INTS3: variants seen among roughly 807,000 people sequenced by gnomAD.
INTS3 encodes the protein SOSS complex subunit A.
A neutral mutation model predicts 146.3 loss-of-function variants in INTS3; 34 were observed. The ratio of observed to expected loss-of-function variants is 0.23; its 90% CI spans 0.18 to 0.31. The LOEUF is 0.31. Among genes scored for constraint, INTS3 ranks in the 10% least tolerant of loss-of-function variants. The pLI, the probability that INTS3 is intolerant of heterozygous loss-of-function variation, is 1.00. For synonymous variants in INTS3, 475 were observed against 494.9 expected, an observed-to-expected ratio of 0.96 and a Z score of 0.53; for missense variants, 757 against 1,304.2, an observed-to-expected ratio of 0.58 and a Z score of 6.46.
intron 22 of INTS3, 44 bp from the exon 23 acceptor site, chr1:153,769,725 C>G (rs1190206642): frequency 1.4e-6 from 2 of 1,384,460 alleles, no homozygotes; most frequent in Non-Finnish European, 2.1e-6. Context: ...TTCCTGGCCC[C>G]TTTCAGAGCT....
intron 3 of INTS3, among the ~76,000 whole-genome samples, chr1:153,746,661 A>G (rs1306855120): frequency 6.6e-6 from 1 of 151,030 alleles, no homozygotes; most frequent in Non-Finnish European, 1.5e-5. Flanking sequence ...TTGGCCTCCC[A>G]AAGTGCTGGG....
intron 1 of INTS3, among the ~76,000 whole-genome samples, chr1:153,735,141 A>AT (rs1035239273): frequency 2.0e-5 from 3 of 151,586 alleles, no homozygotes; most frequent in African/African-American, 4.8e-5. Flanking sequence ...AATTTTTAAC[A>AT]TTTTTTTTGT....
chr1:153,770,841 G>A (rs4345834), intron 25 of INTS3, 108 bp downstream of exon 25: 366,355 of 849,526 alleles, frequency 0.43, 80,353 homozygotes, highest in Middle Eastern at 0.55. Flanking sequence ...TTTTCCTGTC[G>A]TTAACATCTG....
At chr1:153,762,304 G>A (rs1047777930) in intron 14 of INTS3, among the ~76,000 whole-genome samples, 1 of 152,150 alleles carries the variant, frequency 6.6e-6, no homozygotes, top group African/African-American at 2.4e-5. Flanking sequence ...AAAAAAATTT[G>A]TATTTGGCGG....
At chr1:153,752,509 T>C (rs911426684) in intron 8 of INTS3, 101 bp downstream of exon 8, 1 of 1,259,498 alleles carries the variant, frequency 7.9e-7, no homozygotes, top group Non-Finnish European at 1.1e-6. Flanking sequence ...GGAGAGTCTT[T>C]GGTGGTCAGA....
Position 153,774,733 on chromosome 1 carries a change from C to T in INTS3, c.*1463C>T. 1 of 220,416 alleles carries T rather than the reference C, an allele frequency of 4.5e-6. No homozygotes were observed. The highest frequency in any genetic ancestry group is 9.1e-6 in the Non-Finnish European group (1 of 110,372). 13.7% of individuals were successfully genotyped at this position (220,416 alleles called of 1,614,324 possible). A position where few individuals can be genotyped will look rare whatever the true frequency, so the allele number is the denominator to read the frequency against. On this transcript the variant is annotated 3_prime_UTR_variant, in exon 30 of 30. Coordinates refer to ENST00000318967, the MANE Select transcript of INTS3 (RefSeq NM_023015.5). The stretch of plus-strand genomic sequence containing the variant: ...CTGTTGCTTCCTTTGAAAGTCTAAA[C>T]CACTGGAGGCTTCTTTTTCCTTCCT...
chr1:153,737,342 G>A (rs1671334806), intron 1 of INTS3, among the ~76,000 whole-genome samples: 1 of 152,212 alleles, frequency 6.6e-6, no homozygotes, highest in Admixed American at 6.5e-5. Context: ...CTTACGAGTC[G>A]CATTTTGTCA....
intron 3 of INTS3, among the ~76,000 whole-genome samples, chr1:153,744,038 C>CGT (rs200825280): frequency 0.026 from 3,696 of 142,290 alleles, 85 homozygotes; most frequent in African/African-American, 0.062. Context: ...TGTGCATGTG[C>CGT]GTGTGTGTGT....
chr1:153,760,187 G>T (rs1293497531), intron 11 of INTS3, 124 bp from the exon 12 acceptor site: 3 of 653,990 alleles, frequency 4.6e-6, no homozygotes, highest in East Asian at 5.7e-5. Context: ...AGCTGAGATC[G>T]TACCATTTGC....
In INTS3 at chr1:153,764,236, C is replaced by T. The variant is rs749868502; in HGVS notation, c.1925+15C>T. The T allele has an allele frequency of 2.6e-6, 4 of 1,565,982 alleles. No homozygotes were observed. The Admixed American group carries it at 5.0e-5, about 20-fold the overall frequency. On this transcript the variant is annotated intron_variant, in intron 18 of 29. Coordinates refer to ENST00000318967, the MANE Select transcript of INTS3 (RefSeq NM_023015.5). ...ATTACTGAGGAGTAAGGCTGATTTT[C>T]CCTCACTCCAGAGCCTCAGGAGCCA...
In INTS3 at chr1:153,773,030, T is replaced by C; in HGVS notation, c.3000T>C (p.Asn1000=). The C allele has an allele frequency of 6.2e-7, 1 of 1,614,108 alleles. No individual in the cohort carries two copies. Among genetic ancestry groups the C allele is most frequent in the Non-Finnish European group, 8.5e-7 (1 of 1,180,020 alleles). ...TGTCCAGCCCTCGAAGTCGAAAGAA[T>C]GCCACACAGCCCCCCAATGCCGAAG... ...AALSSPRSRK[N]ATQPPNAEEE... The change falls in exon 29 of 30, where the codon AAT becomes AAC. Residue 1000 remains asparagine (N), a synonymous_variant. Transcript: ENST00000318967.
At chr1:153,767,850 G>C (rs531126329) in intron 21 of INTS3, 23 bp downstream of exon 21, 2 of 1,578,742 alleles carry the variant, frequency 1.3e-6, no homozygotes, top group Admixed American at 1.7e-5. Flanking sequence ...ATCCGTATCT[G>C]TGCCGGGGGG....
In INTS3 at chr1:153,772,406, T is replaced by C. The variant is rs2101834215; in HGVS notation, c.2787T>C (p.Asn929=). The C allele has an allele frequency of 6.2e-7, 1 of 1,614,100 alleles. No individual in the cohort carries two copies. The highest frequency in any genetic ancestry group is 1.1e-5 in the South Asian group (1 of 91,080). Reference sequence around the variant, plus strand: ...AGCAGATCCTGGAGCACTTGGACAATCTGCGGCTCAACCTGACCAACACCA... The same window carrying C: ...AGCAGATCCTGGAGCACTTGGACAACCTGCGGCTCAACCTGACCAACACCA... ...TLEQILEHLD[N]LRLNLTNTKQ... is the part of the protein sequence containing the mutation. Residue 929 remains asparagine, a synonymous_variant, in exon 27 of 30, where the codon AAT becomes AAC. Transcript: ENST00000318967. This position sits in a 1 kb window ranked among gnomAD's most constrained non-coding sequence, Gnocchi z 4.6.
At chr1:153,744,361 C>T (rs1004615213) in intron 3 of INTS3, among the ~76,000 whole-genome samples, 1 of 152,186 alleles carries the variant, frequency 6.6e-6, no homozygotes, top group Admixed American at 6.6e-5. Context: ...CTGTCTTTGG[C>T]CTGACACAGA....
At chr1:153,764,844 T>TA (rs1338983410) in intron 19 of INTS3, 100 bp from the exon 20 acceptor site, 6 of 1,550,844 alleles carry the variant, frequency 3.9e-6, no homozygotes, top group African/African-American at 1.4e-5. Flanking sequence ...GAGGAGGACA[T>TA]ATGCTGTGGG....
At chr1:153,771,546 G>A (rs889316549) in intron 25 of INTS3, among the ~76,000 whole-genome samples, 1 of 152,134 alleles carries the variant, frequency 6.6e-6, no homozygotes, top group Non-Finnish European at 1.5e-5. Context: ...GAGGAGAACT[G>A]AGGGTCCTCC....
Position 153,770,229 on chromosome 1 carries a change from G to C in INTS3, c.2421G>C (p.Gln807His). The stretch of plus-strand genomic sequence containing the variant: ...GCCTAGACTGGGAGACCTTTGAGCA[G>C]TATTGTGCCTGGCAGCTCTTTCTGG... ...IQSLDWETFE[Q>H]YCAWQLFLAH... Residue 807 changes from glutamine (Q) to histidine (H), a missense_variant, in exon 24 of 30, where the codon CAG (glutamine) becomes CAC (histidine). Physicochemically the swap from Gln to His is conservative, Grantham distance 24. Coordinates refer to ENST00000318967, the MANE Select transcript of INTS3 (RefSeq NM_023015.5). The C allele has an allele frequency of 6.2e-7, 1 of 1,612,942 alleles. No individual in the cohort carries two copies. The highest frequency in any genetic ancestry group is 8.5e-7 in the Non-Finnish European group (1 of 1,179,250).
At position 153,773,389 on chromosome 1, in the gene INTS3, C is replaced by A; in HGVS notation, c.*119C>A. 1 of 964,806 alleles carries A rather than the reference C, an allele frequency of 1.0e-6. No individual in the cohort carries two copies. The highest frequency in any genetic ancestry group is 2.5e-5 in the East Asian group (1 of 40,330). The allele number at this position is 964,806 out of a possible 1,614,324, so 59.8% of individuals were successfully genotyped here. ...CACCCTTGCTGCATCCCCAAGCTCC[C>A]CCGGTGGAAGGAGGAGCTTTCTCCT... is the stretch of plus-strand genomic sequence containing the variant. On this transcript the variant is annotated 3_prime_UTR_variant, in exon 30 of 30. Transcript: ENST00000318967.
intron 22 of INTS3, 89 bp from the exon 23 acceptor site, chr1:153,769,677 TCCC>T: frequency 3.0e-5 from 23 of 774,072 alleles, no homozygotes; most frequent in Admixed American, 1.2e-4. Flanking sequence ...TTTTTTTTTT[TCCC>T]TTACGAGCCC....
Sources: gnomAD v4.1 joint callset for allele counts (sites outside exome capture counted in the v4.1 genomes callset) on GRCh38, gnomAD v4.1.1 for gene constraint, Gnocchi (gnomAD v3.1) non-coding constraint, MANE v1.5 for transcripts, NCBI Gene and HGNC (gene_info 2026-07-23, HGNC 2026-07-21) for gene names.